The following ZNF385D variants were observed in gnomAD, a reference collection of about 807,000 sequenced individuals.
The protein encoded by ZNF385D is zinc finger protein 385D.
ZNF385D carries 15 observed loss-of-function variants against 35.8 expected under a neutral mutation model. The ratio of observed to expected loss-of-function variants is 0.42; its 90% CI spans 0.28 to 0.64. The LOEUF is 0.64. ZNF385D is among the 30% of genes least tolerant of loss of function. The pLI is 0.23. For missense variants in ZNF385D, 474 were observed against 494.6 expected (o/e 0.96, Z 0.39); for synonymous variants, 212 against 186.8 (o/e 1.13, Z -1.10).
At chr3:21,800,123 C>A (rs2072329669) in intron 3 of ZNF385D, among the ~76,000 whole-genome samples, 1 of 152,154 alleles carries the variant, frequency 6.6e-6, no homozygotes, top group Admixed American at 6.6e-5. Flanking sequence ...ATGGCAGTAC[C>A]ATACTGCTTT....
chr3:21,738,670 G>C (rs2069363348), intron 1 of ZNF385D, among the ~76,000 whole-genome samples: 1 of 152,054 alleles, frequency 6.6e-6, no homozygotes, highest in African/African-American at 2.4e-5. Context: ...TAATCACTTG[G>C]CCTCTATTTT....
At chr3:22,271,188 G>T (rs1212026564) in intron 2 of ZNF385D, among the ~76,000 whole-genome samples, 3 of 150,666 alleles carry the variant, frequency 2.0e-5, no homozygotes, top group African/African-American at 4.9e-5. Context: ...ATAATACATT[G>T]AGCATTGTCT....
chr3:21,477,871 T>C (rs1704351948), intron 4 of ZNF385D, among the ~76,000 whole-genome samples: 1 of 152,166 alleles, frequency 6.6e-6, no homozygotes, highest in Admixed American at 6.6e-5. Flanking sequence ...CCACCAATTT[T>C]CTGCCCTATT....
chr3:21,560,174 C>G (rs1369351196), intron 3 of ZNF385D, among the ~76,000 whole-genome samples: 1 of 152,198 alleles, frequency 6.6e-6, no homozygotes, highest in East Asian at 1.9e-4. Context: ...TCGTCAAACT[C>G]ATTCTGCATC....
chr3:21,754,282 A>G (rs900410748), upstream of ZNF385D, among the ~76,000 whole-genome samples: 2 of 152,178 alleles, frequency 1.3e-5, no homozygotes, highest in African/African-American at 4.8e-5. Flanking sequence ...TGTCATCTCA[A>G]GGGAGCGACT....
chr3:21,536,499 G>C (rs1002839613), intron 3 of ZNF385D, among the ~76,000 whole-genome samples: 1 of 152,064 alleles, frequency 6.6e-6, no homozygotes, highest in African/African-American at 2.4e-5. Flanking sequence ...AAATATTTTA[G>C]AGCTTAAATA....
At chr3:22,042,366 G>T (rs1297890981) in intron 3 of ZNF385D, among the ~76,000 whole-genome samples, 1 of 151,972 alleles carries the variant, frequency 6.6e-6, no homozygotes, top group African/African-American at 2.4e-5. Context: ...TTACTATACA[G>T]TTGACGATGA....
At chr3:21,867,561 A>G (rs920104109) in intron 3 of ZNF385D, among the ~76,000 whole-genome samples, 4 of 151,996 alleles carry the variant, frequency 2.6e-5, no homozygotes, top group African/African-American at 9.7e-5. Context: ...GATTTACTCT[A>G]TTTGCATCTT....
At chr3:21,923,126 T>C (rs954821726) in intron 3 of ZNF385D, among the ~76,000 whole-genome samples, 2 of 152,174 alleles carry the variant, frequency 1.3e-5, no homozygotes, top group Non-Finnish European at 2.9e-5. Context: ...GTTGGTGTGC[T>C]ACACCCATTA....
intron 2 of ZNF385D, among the ~76,000 whole-genome samples, chr3:21,652,688 T>C (rs1036333989): frequency 6.9e-6 from 1 of 145,556 alleles, no homozygotes; most frequent in Admixed American, 6.9e-5. Context: ...TGTGTTCTCA[T>C]TGTTCAATTC....
intron 2 of ZNF385D, among the ~76,000 whole-genome samples, chr3:22,230,191 T>A (rs1414589256): frequency 1.3e-5 from 2 of 152,194 alleles, no homozygotes; most frequent in Non-Finnish European, 2.9e-5. Context: ...ACTCATTTTC[T>A]ATTGCACCAC....
At chr3:21,894,683 A>T (rs680454) in intron 3 of ZNF385D, among the ~76,000 whole-genome samples, 88,769 of 151,970 alleles carry the variant, frequency 0.58, 26,298 homozygotes, top group South Asian at 0.7. Context: ...TAAGTTAGCA[A>T]CCACAGATCT....
At chr3:21,794,449 A>G (rs1015201746) in intron 3 of ZNF385D, among the ~76,000 whole-genome samples, 2 of 152,136 alleles carry the variant, frequency 1.3e-5, no homozygotes, top group Non-Finnish European at 2.9e-5. Context: ...TTAGGTTGCT[A>G]CAACAAAACA....
rs144561568 is a variant in ZNF385D, at chr3:22,294,558, A to C, written c.106+77892T>G. On this transcript the variant is annotated intron_variant, in intron 2 of 5. Coordinates refer to the ZNF385D transcript ENST00000494108. ...AATGACTGGCTAAATGGATATATTGATTTCATTTAAAATTTCAAGGCTAAA... is the reference window on the plus strand; with the variant it reads ...AATGACTGGCTAAATGGATATATTGCTTTCATTTAAAATTTCAAGGCTAAA... Among the ~76,000 whole-genome samples, 229 of 152,194 alleles carry C rather than the reference A, an allele frequency of 1.5e-3. 3 individuals carry two copies. Among genetic ancestry groups the C allele is most frequent in the East Asian group, 5.8e-3 (30 of 5,172 alleles).
chr3:22,215,232 C>A (rs1189032280), intron 2 of ZNF385D, among the ~76,000 whole-genome samples: 2 of 151,954 alleles, frequency 1.3e-5, no homozygotes, highest in African/African-American at 4.8e-5. Context: ...AATACGAAAT[C>A]TGGGCACCTT....
chr3:21,751,009 G>A lies in ZNF385D; in HGVS notation c.-93C>T, dbSNP rs1444337925. The A allele has an allele frequency of 6.2e-7, 1 of 1,607,932 alleles. No homozygotes were observed. The highest frequency in any genetic ancestry group is 8.5e-7 in the Non-Finnish European group (1 of 1,177,372). On this transcript the variant is annotated 5_prime_UTR_variant, in exon 1 of 8. Transcript: ENST00000281523. ...AGCAGAGCCCTTTCATGCTACATTCGGTGGAAATGTCCCCGGCGTGGAGAG... is the reference window on the plus strand; with the variant it reads ...AGCAGAGCCCTTTCATGCTACATTCAGTGGAAATGTCCCCGGCGTGGAGAG...
chr3:21,459,198 C>A (rs1703015746), intron 4 of ZNF385D: 1 of 152,126 alleles, frequency 6.6e-6, no homozygotes, highest in Non-Finnish European at 1.5e-5. Flanking sequence ...AGAGTGTGAG[C>A]CTTTGACTCA....
chr3:22,343,559 T>C (rs1434610774), intron 2 of ZNF385D, among the ~76,000 whole-genome samples: 1 of 150,136 alleles, frequency 6.7e-6, no homozygotes, highest in African/African-American at 2.5e-5. Flanking sequence ...GAGAGAATCC[T>C]ACTGACTGTA....
rs371129218 is a variant in ZNF385D at position 22,159,736 on chromosome 3, A to G, written c.325+9081T>C. Among the ~76,000 whole-genome samples, 43 of 152,276 alleles carry G rather than the reference A, an allele frequency of 2.8e-4. No individual in the cohort carries two copies. In the East Asian group the frequency reaches 4.6e-3, roughly 16 times the overall value. On this transcript the variant is annotated intron_variant, in intron 3 of 5. Coordinates refer to the ZNF385D transcript ENST00000494108. ...CTTTCTTCTACATTTTTATCCTTCA[A>G]TGATAAAAAAGGAATTTACTTCAGT...
Sources: gnomAD v4.1 joint callset for allele counts (sites outside exome capture counted in the v4.1 genomes callset) on GRCh38, gnomAD v4.1.1 for gene constraint, MANE v1.5 for transcripts, NCBI Gene and HGNC (gene_info 2026-07-23, HGNC 2026-07-21) for gene names.